FSD1L: variants seen among roughly 807,000 people sequenced by gnomAD.
FSD1L encodes FSD1-like protein.
FSD1L carries 45 observed loss-of-function variants against 71.6 expected under a neutral mutation model. The observed-to-expected ratio is 0.63, with a 90% CI of 0.49 to 0.81. The LOEUF is 0.81. Among genes scored for constraint, FSD1L ranks in the 30% least tolerant of loss-of-function variants. FSD1L has a pLI of 0.00. For missense variants in FSD1L, 561 were observed against 618.1 expected (o/e 0.91, Z 0.98); for synonymous variants, 197 against 207.2 (o/e 0.95, Z 0.42).
At chr9:105,479,119 A>C (rs925997044) in intron 5 of FSD1L, among the ~76,000 whole-genome samples, 1 of 152,116 alleles carries the variant, frequency 6.6e-6, no homozygotes, top group Non-Finnish European at 1.5e-5. Flanking sequence ...GAAGTGTTAA[A>C]TTTTCCTCCT....
At position 105,546,462 on chromosome 9, in the gene FSD1L, G is replaced by A. The variant is rs1268810706; in HGVS notation, c.1572G>A (p.Leu524=). The change falls in exon 14 of 14, where the codon CTG becomes CTA. Residue 524 remains leucine, a synonymous_variant. Transcript: ENST00000481272. ...GAATGACTGGTTCAGCTAGCAGCCT[G>A]AACAATGTTGTTACTCAATAGTGTC... ...ENGMTGSASS[L]NNVVTQ 4 of 1,548,250 alleles carry A rather than the reference G, an allele frequency of 2.6e-6. No homozygotes were observed. Among genetic ancestry groups the A allele is most frequent in the Non-Finnish European group, 3.5e-6 (4 of 1,145,482 alleles).
intron 7 of FSD1L, among the ~76,000 whole-genome samples, chr9:105,498,831 C>T (rs1833589104): frequency 6.6e-6 from 1 of 152,084 alleles, no homozygotes; most frequent in Non-Finnish European, 1.5e-5. Flanking sequence ...GCCATGTTGG[C>T]CAAGCTGGTC....
At chr9:105,475,713 A>G (rs1815383) in intron 5 of FSD1L, among the ~76,000 whole-genome samples, 103,291 of 152,138 alleles carry the variant, frequency 0.68, 35,429 homozygotes, top group African/African-American at 0.76. Flanking sequence ...GCAATCTCCT[A>G]TTGTACAAAT....
At chr9:105,503,888 CTTTTT>C (rs2131347850) in intron 7 of FSD1L, among the ~76,000 whole-genome samples, 1 of 152,022 alleles carries the variant, frequency 6.6e-6, no homozygotes, top group South Asian at 2.1e-4. Context: ...TATTTTTTTT[CTTTTT>C]AACCTCAGTT....
chr9:105,527,624 C>T (rs897831938), intron 10 of FSD1L, among the ~76,000 whole-genome samples: 1 of 151,352 alleles, frequency 6.6e-6, no homozygotes, highest in Non-Finnish European at 1.5e-5. Context: ...AATTATGTAT[C>T]ATTCACGTAG....
chr9:105,524,095 C>G, intron 10 of FSD1L: 1 of 1,611,936 alleles, frequency 6.2e-7, no homozygotes, highest in Non-Finnish European at 8.5e-7. Context: ...TTAAGCTCGG[C>G]AAGAGATGAG....
At chr9:105,483,458 G>C (rs1375445967) in intron 6 of FSD1L, among the ~76,000 whole-genome samples, 1 of 152,098 alleles carries the variant, frequency 6.6e-6, no homozygotes, top group Non-Finnish European at 1.5e-5. Flanking sequence ...TGTGTACTAG[G>C]AGGACAGTGT....
chr9:105,549,229 T>A lies in FSD1L; in HGVS notation c.*2746T>A, dbSNP rs913991980. The A allele has an allele frequency of 6.6e-6, 1 of 152,120 alleles. No individual in the cohort carries two copies. Among genetic ancestry groups the A allele is most frequent in the Non-Finnish European group, 1.5e-5 (1 of 67,958 alleles). The allele number at this position is 152,120 out of a possible 1,614,324, so 9.4% of individuals were successfully genotyped here. A position where few individuals can be genotyped will look rare whatever the true frequency, so the allele number is the denominator to read the frequency against. On this transcript the variant is annotated 3_prime_UTR_variant, in exon 14 of 14. Coordinates refer to ENST00000481272, the MANE Select transcript of FSD1L (RefSeq NM_001145313.3). ...ATAAAACAGTTGTTTTCTAAAAACA[T>A]GCATTTAGTATGGCATTCTCTTTTA...
Position 105,450,833 on chromosome 9 carries a change from G to A in FSD1L, c.15+2598G>A, listed in dbSNP as rs1024426997. On this transcript the variant is annotated intron_variant, in intron 1 of 13. Coordinates refer to ENST00000481272, the MANE Select transcript of FSD1L (RefSeq NM_001145313.3). Reference sequence around the variant, plus strand: ...ATTACAGGCTTGAGCCACTGTGCCCGGTCTTGCATTCATTTTTAAAACCCA... The same window carrying A: ...ATTACAGGCTTGAGCCACTGTGCCCAGTCTTGCATTCATTTTTAAAACCCA... Among the ~76,000 whole-genome samples, 3 of 152,046 alleles carry A rather than the reference G, an allele frequency of 2.0e-5. 1 individual carries two copies. Among genetic ancestry groups the A allele is most frequent in the East Asian group, 1.9e-4 (1 of 5,188 alleles).
chr9:105,524,463 C>G, intron 10 of FSD1L: 2 of 1,613,460 alleles, frequency 1.2e-6, no homozygotes, highest in South Asian at 1.1e-5. Context: ...GGCCTTACCT[C>G]TAAAGACACT....
intron 7 of FSD1L, among the ~76,000 whole-genome samples, chr9:105,495,891 G>T (rs1833357057): frequency 6.6e-6 from 1 of 151,542 alleles, no homozygotes; most frequent in South Asian, 2.1e-4. Context: ...AGAATGGCAT[G>T]AACCCGGGAG....
rs542818608 is a variant in FSD1L at position 105,496,202 on chromosome 9, C to CTTTTTT, written c.587-10183_587-10178dup. On this transcript the variant is annotated intron_variant, in intron 7 of 13. Transcript: ENST00000481272. The stretch of plus-strand genomic sequence containing the variant: ...CAGTACCAGGTCTTGATGACTGTAG[C>CTTTTTT]TTTTTTTTTTTTTTTTTTTGTGTCG... Among the ~76,000 whole-genome samples the CTTTTTT allele has an allele frequency of 2.9e-4, 33 of 113,246 alleles. 1 individual carries two copies. Among genetic ancestry groups the CTTTTTT allele is most frequent in the Non-Finnish European group, 4.3e-4 (24 of 55,780 alleles). 74.3% of individuals were successfully genotyped at this position (113,246 alleles called of 152,430 possible).
At chr9:105,518,374 C>T (rs1334748777) in intron 10 of FSD1L, among the ~76,000 whole-genome samples, 4 of 152,198 alleles carry the variant, frequency 2.6e-5, no homozygotes, top group African/African-American at 9.7e-5. Context: ...CTCAGCACCT[C>T]GTCACACTTA....
rs1007836221 is a variant in FSD1L, at chr9:105,468,397, T to G, written c.339+73T>G. 4 of 1,208,918 alleles carry G rather than the reference T, an allele frequency of 3.3e-6. No homozygotes were observed. In the African/African-American group the frequency reaches 6.5e-5, roughly 20 times the overall value. The allele number at this position is 1,208,918 out of a possible 1,614,324, so 74.9% of individuals were successfully genotyped here. On this transcript the variant is annotated intron_variant, in intron 4 of 13. Transcript: ENST00000481272. ...TCCTTGATTTATGATAAGCAAAAAT[T>G]AATGAATTTCTAAGTATAACTATAC...
At chr9:105,525,091 G>C in intron 10 of FSD1L, 1 of 1,558,010 alleles carries the variant, frequency 6.4e-7, no homozygotes, top group Non-Finnish European at 8.7e-7. Flanking sequence ...CTGCTATACT[G>C]TATGGCCCAC....
intron 10 of FSD1L, chr9:105,520,478 A>G: frequency 9.5e-7 from 1 of 1,053,672 alleles, no homozygotes; most frequent in East Asian, 2.4e-5. Flanking sequence ...AAAGGTCACA[A>G]GTCTCAAAGA....
At chr9:105,481,505 C>T (rs139593496) in intron 6 of FSD1L, among the ~76,000 whole-genome samples, 1,750 of 151,460 alleles carry the variant, frequency 0.012, 17 homozygotes, top group Non-Finnish European at 0.015. Flanking sequence ...TGGCCAGGCT[C>T]GTCTCGAACC....
At chr9:105,445,131 A>T (rs890021846), upstream of FSD1L, among the ~76,000 whole-genome samples, 1 of 152,130 alleles carries the variant, frequency 6.6e-6, no homozygotes, top group Non-Finnish European at 1.5e-5. Flanking sequence ...TGGGTGGGAG[A>T]CTTAGAGCCC....
rs1564167338 is a variant in FSD1L at position 105,552,284 on chromosome 9, CT to C, written c.*5806del. 2 of 151,180 alleles carry C rather than the reference CT, an allele frequency of 1.3e-5. No individual in the cohort carries two copies. Among genetic ancestry groups the C allele is most frequent in the African/African-American group, 2.4e-5 (1 of 40,940 alleles). The allele number at this position is 151,180 out of a possible 1,614,324, so 9.4% of individuals were successfully genotyped here. On this transcript the variant is annotated 3_prime_UTR_variant, in exon 14 of 14. Transcript: ENST00000481272. Reference sequence around the variant, plus strand: ...ATTTTCCTTAGAAACAAGACAAAGCCTTTTTAAAATGTTTTTTTTTCACTTT... The same window carrying C: ...ATTTTCCTTAGAAACAAGACAAAGCCTTTTAAAATGTTTTTTTTTCACTTT...
Sources: allele counts gnomAD v4.1 joint callset (sites outside exome capture counted in the v4.1 genomes callset), GRCh38; gene constraint gnomAD v4.1.1; transcripts MANE v1.5; gene names NCBI Gene and HGNC (gene_info 2026-07-23, HGNC 2026-07-21).